The following SDK1 variants were observed in gnomAD, a reference collection of about 807,000 sequenced individuals.
SDK1 encodes the protein sidekick cell adhesion molecule 1.
A neutral mutation model predicts 245.5 loss-of-function variants in SDK1; 157 were observed. The ratio of observed to expected loss-of-function variants is 0.64; its 90% CI spans 0.56 to 0.73. The LOEUF is 0.73. Among genes scored for constraint, SDK1 ranks in the 30% least tolerant of loss-of-function variants. The probability of loss-of-function intolerance (pLI) is 0.00; values close to 1 mark genes in which losing one functional copy is unlikely to be tolerated. For synonymous variants in SDK1, 1,647 were observed against 1,278.5 expected (o/e 1.29, Z -6.15); for missense variants, 3,583 against 3,002.3 (o/e 1.19, Z -4.52).
At chr7:3,370,218 G>T (rs771027891) in intron 1 of SDK1, among the ~76,000 whole-genome samples, 1 of 152,204 alleles carries the variant, frequency 6.6e-6, no homozygotes, top group Non-Finnish European at 1.5e-5. Flanking sequence ...TAGGTTTTCA[G>T]TACAGTCTCC....
chr7:3,558,032 T>TTGAAGTTTCCCTTGAGTA (rs1779641698), intron 1 of SDK1, among the ~76,000 whole-genome samples: 1 of 150,110 alleles, frequency 6.7e-6, no homozygotes, highest in Non-Finnish European at 1.5e-5. Flanking sequence ...GTCTCATAGT[T>TTGAAGTTTCCCTTGAGTA]TGAAGTTTCC....
At position 4,268,116 on chromosome 7, in the gene SDK1, T is replaced by C. The variant is rs374003452; in HGVS notation, c.*2732T>C. ...GATGGAATGTGCTCCCGCTCTCTCC[T>C]GCCGTGCTGAAAGTCATGCCTTGCG... is the stretch of plus-strand genomic sequence containing the variant. On this transcript the variant is annotated 3_prime_UTR_variant, in exon 45 of 45. Transcript: ENST00000404826. The C allele has an allele frequency of 3.6e-5, 35 of 985,906 alleles. No individual in the cohort carries two copies. The East Asian group carries it at 1.2e-3, about 35-fold the overall frequency. The allele number at this position is 985,906 out of a possible 1,614,324, so 61.1% of individuals were successfully genotyped here. A position where few individuals can be genotyped will look rare whatever the true frequency, so the allele number is the denominator to read the frequency against.
chr7:3,527,347 G>A (rs1384965372), intron 1 of SDK1, among the ~76,000 whole-genome samples: 2 of 152,182 alleles, frequency 1.3e-5, no homozygotes, highest in South Asian at 4.1e-4. Context: ...AGAACACGAA[G>A]CGCGATGTGA....
chr7:3,573,338 C>T (rs147025670), intron 1 of SDK1, among the ~76,000 whole-genome samples: 22 of 152,154 alleles, frequency 1.4e-4, no homozygotes, highest in East Asian at 5.8e-4. Flanking sequence ...GAGGCGGGGC[C>T]GGTGGGGCCA....
intron 5 of SDK1, among the ~76,000 whole-genome samples, chr7:3,874,567 C>T (rs1057308184): frequency 2.9e-4 from 44 of 152,158 alleles, no homozygotes; most frequent in African/African-American, 7.7e-4. Flanking sequence ...CATATATTCC[C>T]GCCTCCCTTC....
intron 18 of SDK1, among the ~76,000 whole-genome samples, chr7:4,049,933 C>G (rs1024088163): frequency 1.3e-5 from 2 of 152,088 alleles, no homozygotes; most frequent in African/African-American, 4.8e-5. Context: ...TTCCAGCTAC[C>G]CGCCCATACT....
intron 4 of SDK1, among the ~76,000 whole-genome samples, chr7:3,712,848 G>T (rs1373810643): frequency 6.6e-6 from 1 of 152,204 alleles, no homozygotes; most frequent in African/African-American, 2.4e-5. Context: ...ATGGCCCTGC[G>T]ACTTGGCCCA....
chr7:3,917,692 G>A (rs1200417704), intron 5 of SDK1, among the ~76,000 whole-genome samples: 4 of 152,160 alleles, frequency 2.6e-5, no homozygotes, highest in Non-Finnish European at 5.9e-5. Context: ...AAAAGCATAA[G>A]TCACACATTC....
At chr7:4,107,145 G>C (rs1782982992) in intron 22 of SDK1, among the ~76,000 whole-genome samples, 1 of 147,724 alleles carries the variant, frequency 6.8e-6, no homozygotes, top group Non-Finnish European at 1.5e-5. Context: ...GGGGAGGGTG[G>C]GGAGGGTGGG....
chr7:4,171,909 G>T (rs529233008), intron 32 of SDK1, among the ~76,000 whole-genome samples: 1 of 152,176 alleles, frequency 6.6e-6, no homozygotes, highest in Non-Finnish European at 1.5e-5. Context: ...AGCACACCGT[G>T]GGGGGAACAC....
intron 3 of SDK1, among the ~76,000 whole-genome samples, chr7:3,640,360 G>A (rs962634085): frequency 1.3e-5 from 2 of 152,184 alleles, no homozygotes; most frequent in Non-Finnish European, 2.9e-5. Context: ...AGCTTTCAGT[G>A]TGAGTAGATG....
intron 17 of SDK1, among the ~76,000 whole-genome samples, chr7:4,036,601 G>T (rs1788238928): frequency 2.6e-5 from 4 of 152,136 alleles, no homozygotes; most frequent in Admixed American, 2.6e-4. Context: ...AAATATTAGT[G>T]TCCCTCCAAA....
At chr7:3,543,060 C>T (rs895023102) in intron 1 of SDK1, among the ~76,000 whole-genome samples, 16 of 152,188 alleles carry the variant, frequency 1.1e-4, no homozygotes, top group African/African-American at 3.4e-4. Context: ...CTGGGACAAG[C>T]TTAGGCATAA....
intron 38 of SDK1, among the ~76,000 whole-genome samples, chr7:4,212,695 T>C (rs1784571132): frequency 6.6e-6 from 1 of 152,128 alleles, no homozygotes; most frequent in Admixed American, 6.5e-5. Context: ...GGAGAAACAG[T>C]AGAGAATTTT....
chr7:3,420,536 G>C (rs1024152275), intron 1 of SDK1, among the ~76,000 whole-genome samples: 2 of 152,130 alleles, frequency 1.3e-5, no homozygotes, highest in Non-Finnish European at 2.9e-5. Flanking sequence ...ATAGCTCTAA[G>C]TAGTCGTGCT....
intron 1 of SDK1, among the ~76,000 whole-genome samples, chr7:3,307,800 CTCTGAG>C (rs1257912452): frequency 6.6e-6 from 1 of 152,240 alleles, no homozygotes; most frequent in African/African-American, 2.4e-5. Context: ...CTATTAGTCT[CTCTGAG>C]TCTGTTTTCT....
intron 1 of SDK1, among the ~76,000 whole-genome samples, chr7:3,422,970 A>G (rs1583834782): frequency 6.6e-6 from 1 of 152,220 alleles, no homozygotes; most frequent in South Asian, 2.1e-4. Context: ...TAATTTATAT[A>G]CCTGTAGAAT....
intron 1 of SDK1, among the ~76,000 whole-genome samples, chr7:3,553,005 TGAA>T (rs1779464587): frequency 6.6e-6 from 1 of 152,176 alleles, no homozygotes; most frequent in Non-Finnish European, 1.5e-5. Flanking sequence ...ACCTATTAGT[TGAA>T]GAACATTTGG....
At chr7:4,173,018 C>G (rs1259901088) in intron 32 of SDK1, among the ~76,000 whole-genome samples, 2 of 152,220 alleles carry the variant, frequency 1.3e-5, no homozygotes, top group Non-Finnish European at 2.9e-5. Context: ...TTTAGGGGGA[C>G]ACAGTTCAAC....
Sources: allele counts gnomAD v4.1 joint callset (sites outside exome capture counted in the v4.1 genomes callset), GRCh38; gene constraint gnomAD v4.1.1; transcripts MANE v1.5; gene names NCBI Gene and HGNC (gene_info 2026-07-23, HGNC 2026-07-21).